Variants in BPIFB1 observed in about 807,000 individuals in gnomAD.
BPIFB1 encodes the protein BPI fold-containing family B member 1.
Under a neutral mutation model 55.1 loss-of-function variants are expected in BPIFB1, and 34 were observed. The ratio of observed to expected loss-of-function variants is 0.62; its 90% CI spans 0.47 to 0.82. The LOEUF (loss-of-function observed/expected upper bound fraction) is 0.82. Ranked by LOEUF, BPIFB1 falls within the 40% of genes least tolerant of loss-of-function variation. BPIFB1 has a pLI of 0.00. For missense variants in BPIFB1, 532 were observed against 593.1 expected, an observed-to-expected ratio of 0.90 and a Z score of 1.07; for synonymous variants, 236 against 245.3, an observed-to-expected ratio of 0.96 and a Z score of 0.35.
intron 6 of BPIFB1, among the ~76,000 whole-genome samples, chr20:33,294,988 G>A (rs1406109779): frequency 6.6e-6 from 1 of 152,158 alleles, no homozygotes; most frequent in Non-Finnish European, 1.5e-5. Context: ...GCCAAGGCAG[G>A]AGGATCCCCT....
intron 11 of BPIFB1, 56 bp from the exon 12 acceptor site, chr20:33,303,902 A>C: frequency 6.4e-7 from 1 of 1,574,408 alleles, no homozygotes; most frequent in Non-Finnish European, 8.7e-7. Flanking sequence ...CATAACCCCT[A>C]ATTCCACACT....
intron 3 of BPIFB1, 95 bp from the exon 4 acceptor site, chr20:33,289,790 T>G: frequency 2.5e-6 from 3 of 1,210,072 alleles, no homozygotes; most frequent in Middle Eastern, 3.9e-4. Flanking sequence ...CGCTGCTGCC[T>G]AGGCACCCCA....
chr20:33,295,095 A>G (rs1489213157), intron 6 of BPIFB1, among the ~76,000 whole-genome samples: 1 of 151,990 alleles, frequency 6.6e-6, no homozygotes, highest in Non-Finnish European at 1.5e-5. Flanking sequence ...CACACCTGTA[A>G]TCCTAACTAC....
In BPIFB1 at chr20:33,309,798, G is replaced by T; in HGVS notation, c.*31G>T. On this transcript the variant is annotated 3_prime_UTR_variant, in exon 16 of 16. Coordinates refer to ENST00000253354, the MANE Select transcript of BPIFB1 (RefSeq NM_033197.3). The surrounding 1 kb of genome is among the most constrained non-coding windows in gnomAD (Gnocchi z 4.4). The stretch of plus-strand genomic sequence containing the variant: ...TGGATGGCAGCCATCAGGGAAGGCT[G>T]GGTCCCAGCTGGGAGTATGGGTGTG... The T allele has an allele frequency of 6.2e-7, 1 of 1,601,254 alleles. No homozygotes were observed. The highest frequency in any genetic ancestry group is 8.6e-7 in the Non-Finnish European group (1 of 1,168,540).
chr20:33,299,868 C>T, intron 7 of BPIFB1, 31 bp from the exon 8 acceptor site: 1 of 1,607,288 alleles, frequency 6.2e-7, no homozygotes, highest in Non-Finnish European at 8.5e-7. Context: ...GCCCTCCACC[C>T]TCACAGAACT....
At chr20:33,292,177 A>G (rs1388879753) in intron 6 of BPIFB1, among the ~76,000 whole-genome samples, 189 bp downstream of exon 6, 1 of 152,252 alleles carries the variant, frequency 6.6e-6, no homozygotes, top group Non-Finnish European at 1.5e-5. Flanking sequence ...AGGCAAGGTC[A>G]TGGGACTGCT....
chr20:33,305,096 C>T (rs1453364411), intron 13 of BPIFB1, among the ~76,000 whole-genome samples: 3 of 152,174 alleles, frequency 2.0e-5, no homozygotes, highest in South Asian at 4.1e-4. Flanking sequence ...AACACACACA[C>T]GCACACACAA....
chr20:33,297,476 C>T, intron 6 of BPIFB1, 49 bp from the exon 7 acceptor site: 2 of 1,602,094 alleles, frequency 1.2e-6, no homozygotes, highest in Non-Finnish European at 1.7e-6. Flanking sequence ...TGCTGTGGGG[C>T]TGCATTCTGG....
chr20:33,304,305 C>A (rs1980947821), intron 12 of BPIFB1, among the ~76,000 whole-genome samples: 1 of 152,222 alleles, frequency 6.6e-6, no homozygotes, highest in East Asian at 1.9e-4. Flanking sequence ...TCACCCGGCA[C>A]AGAAGTGCAG....
Position 33,304,140 on chromosome 20 carries a change from A to G in BPIFB1, c.1208+115A>G, listed in dbSNP as rs376620591. On this transcript the variant is annotated intron_variant, in intron 12 of 15. Coordinates refer to ENST00000253354, the MANE Select transcript of BPIFB1 (RefSeq NM_033197.3). ...TGTCAGGTGAAGGCGGCTCCAGGGT[A>G]GGCAGGGAGGTCCTTCCGGATGCTC... 9.3e-6 allele frequency: 8 copies of G among 863,760 alleles called. 1 individual carries two copies. The highest frequency in any genetic ancestry group is 2.2e-5 in the Admixed American group (1 of 45,492). 53.5% of individuals were successfully genotyped at this position (863,760 alleles called of 1,614,324 possible).
At chr20:33,292,065 C>T (rs1165706544) in intron 6 of BPIFB1, 77 bp downstream of exon 6, 39 of 1,311,036 alleles carry the variant, frequency 3.0e-5, no homozygotes, top group African/African-American at 4.4e-5. Flanking sequence ...CAAGTTGGTG[C>T]TAAGTGACTG....
At position 33,286,200 on chromosome 20, in the gene BPIFB1, C is replaced by T. The variant is rs1980262168; in HGVS notation, c.115+12C>T. The stretch of plus-strand genomic sequence containing the variant: ...AGTCATCAAAGAAAGTAAGTTTTGT[C>T]CCTCCGGAGCTGGCTGCCATAAGAC... On this transcript the variant is annotated intron_variant, in intron 2 of 15. Transcript: ENST00000253354. 6.2e-7 allele frequency: 1 copy of T among 1,611,934 alleles called. No individual in the cohort carries two copies. Among genetic ancestry groups the T allele is most frequent in the African/African-American group, 1.3e-5 (1 of 74,906 alleles).
intron 4 of BPIFB1, among the ~76,000 whole-genome samples, chr20:33,290,578 G>A (rs779003612): frequency 6.6e-6 from 1 of 152,122 alleles, no homozygotes; most frequent in Non-Finnish European, 1.5e-5. Context: ...AGAAGTCAAC[G>A]ATGACTCCAA....
Position 33,309,855 on chromosome 20 carries a change from T to C in BPIFB1, c.*88T>C. ...ATAGACCATCCCTCTCTGCAATCAA[T>C]AAACACTTGCCTGTGATGCCTGCCG... On this transcript the variant is annotated 3_prime_UTR_variant, in exon 16 of 16. Transcript: ENST00000253354. This position sits in a 1 kb window ranked among gnomAD's most constrained non-coding sequence, Gnocchi z 4.4. The C allele has an allele frequency of 8.1e-7, 1 of 1,238,202 alleles. No individual in the cohort carries two copies. The highest frequency in any genetic ancestry group is 1.2e-6 in the Non-Finnish European group (1 of 847,194). The allele number at this position is 1,238,202 out of a possible 1,614,324, so 76.7% of individuals were successfully genotyped here. A position where few individuals can be genotyped will look rare whatever the true frequency, so the allele number is the denominator to read the frequency against.
At chr20:33,289,756 A>G in intron 3 of BPIFB1, 129 bp from the exon 4 acceptor site, 1 of 738,248 alleles carries the variant, frequency 1.4e-6, no homozygotes, top group African/African-American at 1.7e-5. Context: ...TCTGGAGAGG[A>G]GTCGGTGGGC....
chr20:33,303,881 G>C (rs1980932678), intron 11 of BPIFB1, 77 bp from the exon 12 acceptor site: 1 of 1,456,296 alleles, frequency 6.9e-7, no homozygotes. Context: ...TCAGACCCCA[G>C]AGCCTCCCTG....
intron 7 of BPIFB1, 105 bp from the exon 8 acceptor site, chr20:33,299,794 T>TGGGGGGGGGGGGG: frequency 1.2e-6 from 1 of 838,662 alleles, no homozygotes; most frequent in Non-Finnish European, 2.1e-6. Flanking sequence ...CCTCCCTACC[T>TGGGGGGGGGGGGG]GCCCCCCCAT....
intron 2 of BPIFB1, among the ~76,000 whole-genome samples, chr20:33,288,143 G>A (rs967568753): frequency 3.7e-4 from 57 of 152,186 alleles, no homozygotes; most frequent in African/African-American, 1.3e-3. Flanking sequence ...CTGCTCCTGG[G>A]GCATCAGCTC....
chr20:33,297,688 C>G, intron 7 of BPIFB1, 100 bp downstream of exon 7: 1 of 1,232,872 alleles, frequency 8.1e-7, no homozygotes, highest in Non-Finnish European at 1.2e-6. Context: ...CAGGCCTGAG[C>G]TGCAACTCAG....
Sources: gnomAD v4.1 joint callset for allele counts (sites outside exome capture counted in the v4.1 genomes callset) on GRCh38, gnomAD v4.1.1 for gene constraint, Gnocchi (gnomAD v3.1) non-coding constraint, MANE v1.5 for transcripts, NCBI Gene and HGNC (gene_info 2026-07-23, HGNC 2026-07-21) for gene names.